CDKAL1: variants seen among roughly 807,000 people sequenced by gnomAD.
The protein encoded by CDKAL1 is CDKAL1 threonylcarbamoyladenosine tRNA methylthiotransferase, also known as threonylcarbamoyladenosine tRNA methylthiotransferase.
CDKAL1 carries 32 observed loss-of-function variants against 68.2 expected under a neutral mutation model. The ratio of observed to expected loss-of-function variants is 0.47; its 90% confidence interval spans 0.35 to 0.63. The LOEUF is 0.63. Among genes scored for constraint, CDKAL1 ranks in the 30% least tolerant of loss-of-function variants. The pLI is 0.00. For missense variants in CDKAL1, 606 were observed against 696.7 expected, an observed-to-expected ratio of 0.87 and a Z score of 1.47; for synonymous variants, 234 against 244.3, an observed-to-expected ratio of 0.96 and a Z score of 0.39.
At chr6:21,034,648 T>G (rs1186997168) in intron 11 of CDKAL1, among the ~76,000 whole-genome samples, 2 of 152,186 alleles carry the variant, frequency 1.3e-5, no homozygotes, top group Non-Finnish European at 1.5e-5. Flanking sequence ...ACATTTTTTC[T>G]GTTAAATCAG....
At chr6:21,164,489 A>G (rs982836374) in intron 13 of CDKAL1, among the ~76,000 whole-genome samples, 40 of 150,334 alleles carry the variant, frequency 2.7e-4, no homozygotes, top group African/African-American at 1.0e-3. Flanking sequence ...CATAACACAC[A>G]CAGACCGGGG....
At chr6:20,648,477 C>G (rs916386417) in intron 4 of CDKAL1, among the ~76,000 whole-genome samples, 3 of 152,070 alleles carry the variant, frequency 2.0e-5, no homozygotes, top group Non-Finnish European at 2.9e-5. Context: ...ATGTGCTTAC[C>G]AGTCCTCCCA....
In CDKAL1 at chr6:21,231,333, A is replaced by ATCTC. The variant is rs1458097670; in HGVS notation, c.*296_*299dup. 8.1e-6 allele frequency: 2 copies of ATCTC among 247,374 alleles called. No individual in the cohort carries two copies. Among genetic ancestry groups the ATCTC allele is most frequent in the East Asian group, 7.6e-5 (1 of 13,220 alleles). 15.3% of individuals were successfully genotyped at this position (247,374 alleles called of 1,614,324 possible). A position where few individuals can be genotyped will look rare whatever the true frequency, so the allele number is the denominator to read the frequency against. ...GTTGCATTTTTTTCTGTTTGTTTCA[A>ATCTC]TCTCTAATCTTTAAGTCAGAACCTA... On this transcript the variant is annotated 3_prime_UTR_variant, in exon 16 of 16. Transcript: ENST00000274695.
chr6:20,803,055 A>T (rs936164901), intron 8 of CDKAL1, among the ~76,000 whole-genome samples: 1 of 152,360 alleles, frequency 6.6e-6, no homozygotes, highest in East Asian at 1.9e-4. Context: ...TATATTAAAT[A>T]ACCTGAAGCC....
intron 9 of CDKAL1, among the ~76,000 whole-genome samples, chr6:20,899,503 A>G (rs1761863158): frequency 6.6e-6 from 1 of 151,998 alleles, no homozygotes; most frequent in African/African-American, 2.4e-5. Flanking sequence ...TGGTAAAATA[A>G]TATTTACCTG....
chr6:21,079,407 AAG>A (rs1180000880), intron 12 of CDKAL1, among the ~76,000 whole-genome samples: 1 of 152,212 alleles, frequency 6.6e-6, no homozygotes, highest in Non-Finnish European at 1.5e-5. Context: ...AAGCTACTGC[AAG>A]AGATAGAGTT....
chr6:21,217,294 CTTTTTTTT>C (rs57097019), intron 15 of CDKAL1, among the ~76,000 whole-genome samples: 86,821 of 142,810 alleles, frequency 0.61, 26,526 homozygotes, highest in African/African-American at 0.74. Flanking sequence ...ATTTCTTTTT[CTTTTTTTT>C]TTTTTTTTTG....
At chr6:20,604,529 A>C (rs10946395) in intron 4 of CDKAL1, among the ~76,000 whole-genome samples, 2,234 of 152,338 alleles carry the variant, frequency 0.015, 59 homozygotes, top group African/African-American at 0.049. Flanking sequence ...CTGTAGACTC[A>C]CATAAAACTT....
intron 5 of CDKAL1, among the ~76,000 whole-genome samples, chr6:20,665,749 A>C (rs1769507758): frequency 6.6e-6 from 1 of 152,094 alleles, no homozygotes; most frequent in Admixed American, 6.6e-5. Context: ...GTCGAATGAA[A>C]CAATTTTATT....
rs1763868703 is a variant in CDKAL1, at chr6:20,939,324, T to TGAAA, written c.743-16092_743-16089dup. Among the ~76,000 whole-genome samples, 3 of 152,250 alleles carry TGAAA rather than the reference T, an allele frequency of 2.0e-5. No homozygotes were observed. The South Asian group carries it at 6.2e-4, about 32-fold the overall frequency. On this transcript the variant is annotated intron_variant, in intron 9 of 15. Transcript: ENST00000274695. The stretch of plus-strand genomic sequence containing the variant: ...GGAGATCTTTAAAATAAATAATGAA[T>TGAAA]GAAAGAGAACCTTTCTAGGACCTCA...
intron 13 of CDKAL1, among the ~76,000 whole-genome samples, chr6:21,137,144 T>TAATGTGA: frequency 6.6e-6 from 1 of 152,304 alleles, no homozygotes; most frequent in East Asian, 1.9e-4. Context: ...TTGTCAGCAT[T>TAATGTGA]AATGTGAACA....
chr6:20,759,250 TAAAG>T (rs1774363443), intron 7 of CDKAL1, among the ~76,000 whole-genome samples: 1 of 152,142 alleles, frequency 6.6e-6, no homozygotes, highest in Non-Finnish European at 1.5e-5. Flanking sequence ...AATTTTAAGA[TAAAG>T]AAATTTTCTG....
At chr6:20,717,520 G>A (rs753592724) in intron 5 of CDKAL1, among the ~76,000 whole-genome samples, 2 of 151,912 alleles carry the variant, frequency 1.3e-5, no homozygotes, top group Non-Finnish European at 2.9e-5. Flanking sequence ...TAGATATGAT[G>A]GTGTAATGAA....
chr6:20,983,055 G>A (rs1324487514), intron 10 of CDKAL1, among the ~76,000 whole-genome samples: 1 of 152,134 alleles, frequency 6.6e-6, no homozygotes, highest in Non-Finnish European at 1.5e-5. Flanking sequence ...TTACCATGTA[G>A]TAACTAGAAA....
intron 4 of CDKAL1, among the ~76,000 whole-genome samples, chr6:20,607,611 CTATT>C (rs1254291896): frequency 1.3e-5 from 2 of 151,558 alleles, no homozygotes; most frequent in Admixed American, 6.6e-5. Flanking sequence ...GTCAGTTCCT[CTATT>C]TATTTATTTT....
At position 21,079,976 on chromosome 6, in the gene CDKAL1, C is replaced by CTCTGTGTG. The variant is rs1554171489; in HGVS notation, c.1236+14749_1236+14750insCTGTGTGT. Among the ~76,000 whole-genome samples the CTCTGTGTG allele has an allele frequency of 7.5e-3, 1,018 of 135,832 alleles. 16 individuals carry two copies. Among genetic ancestry groups the CTCTGTGTG allele is most frequent in the African/African-American group, 0.027 (966 of 36,066 alleles). 89.1% of individuals were successfully genotyped at this position (135,832 alleles called of 152,430 possible). ...TAAGATAAGCTTATCAACTTTGTCT[C>CTCTGTGTG]TGTGTGTGTGTGTGTGTGTGTGTGT... On this transcript the variant is annotated intron_variant, in intron 12 of 15. Coordinates refer to ENST00000274695, the MANE Select transcript of CDKAL1 (RefSeq NM_017774.3).
chr6:21,112,033 G>A (rs1255438020), intron 13 of CDKAL1, among the ~76,000 whole-genome samples: 1 of 151,896 alleles, frequency 6.6e-6, no homozygotes, highest in Non-Finnish European at 1.5e-5. Flanking sequence ...CAGGGCCAGA[G>A]AGCTTCCAGG....
chr6:20,719,137 AC>A lies in CDKAL1; in HGVS notation c.372-20381del, dbSNP rs1772228310. On this transcript the variant is annotated intron_variant, in intron 5 of 15. Coordinates refer to ENST00000274695, the MANE Select transcript of CDKAL1 (RefSeq NM_017774.3). ...TGAACCATCCTGCCTTTTAAAGTTT[AC>A]AGTTGTGTTCTCAGAAAGAGAAGAG... Among the ~76,000 whole-genome samples the A allele has an allele frequency of 2.0e-5, 3 of 152,124 alleles. No homozygotes were observed. In the South Asian group the frequency reaches 6.2e-4, roughly 32 times the overall value.
At chr6:21,184,476 G>A (rs1056623191) in intron 13 of CDKAL1, among the ~76,000 whole-genome samples, 6 of 152,002 alleles carry the variant, frequency 3.9e-5, no homozygotes, top group South Asian at 2.1e-4. Context: ...GATTACAGGC[G>A]TGAGCCACCA....
Sources: allele counts gnomAD v4.1 joint callset (sites outside exome capture counted in the v4.1 genomes callset), GRCh38; gene constraint gnomAD v4.1.1; transcripts MANE v1.5; gene names NCBI Gene and HGNC (gene_info 2026-07-23, HGNC 2026-07-21).